Variants in AKAP13 observed in about 807,000 individuals in gnomAD.
The protein encoded by AKAP13 is A-kinase anchoring protein 13, also known as A-kinase anchor protein 13.
A neutral mutation model predicts 264.5 loss-of-function variants in AKAP13; 80 were observed. That is an observed-to-expected ratio of 0.30 (90% CI 0.25 to 0.36). The LOEUF (loss-of-function observed/expected upper bound fraction) is 0.36. Ranked by LOEUF, AKAP13 falls within the 10% of genes least tolerant of loss-of-function variation. The pLI is 1.00. For synonymous variants in AKAP13, 1,380 were observed against 1,250.2 expected, an observed-to-expected ratio of 1.10 and a Z score of -2.19; for missense variants, 3,712 against 3,435.2, an observed-to-expected ratio of 1.08 and a Z score of -2.01.
intron 23 of AKAP13, among the ~76,000 whole-genome samples, chr15:85,720,932 C>T (rs920385603): frequency 7.9e-5 from 12 of 152,304 alleles, no homozygotes; most frequent in South Asian, 2.1e-4. Flanking sequence ...AAATGCAGTG[C>T]GGTAAATGAA....
chr15:85,415,432 T>G (rs2072195269), intron 1 of AKAP13: 4 of 1,606,674 alleles, frequency 2.5e-6, no homozygotes, highest in Non-Finnish European at 3.4e-6. Flanking sequence ...TCTTGTACCC[T>G]GGGAGAGAAG....
chr15:85,504,919 C>T (rs111390681), intron 2 of AKAP13, among the ~76,000 whole-genome samples: 3 of 152,024 alleles, frequency 2.0e-5, no homozygotes, highest in Admixed American at 2.0e-4. Flanking sequence ...CCCTCTCCCC[C>T]TCTCCCCCTC....
intron 35 of AKAP13, among the ~76,000 whole-genome samples, chr15:85,743,199 G>A (rs1180055549): frequency 6.6e-6 from 1 of 152,074 alleles, no homozygotes. Flanking sequence ...TTTCTAAGTC[G>A]CCCCATCAAA....
intron 5 of AKAP13, among the ~76,000 whole-genome samples, chr15:85,547,139 T>C (rs1340883304): frequency 6.6e-6 from 1 of 152,252 alleles, no homozygotes; most frequent in African/African-American, 2.4e-5. Flanking sequence ...TTATTGCCTC[T>C]TTTCAGTTAG....
chr15:85,613,690 A>AT (rs1567155667), intron 8 of AKAP13, among the ~76,000 whole-genome samples: 59 of 92,778 alleles, frequency 6.4e-4, no homozygotes, highest in East Asian at 1.2e-3. Flanking sequence ...AAAAAAAAAA[A>AT]AATATATATA....
intron 1 of AKAP13, among the ~76,000 whole-genome samples, chr15:85,388,986 TGAA>T (rs2070725019): frequency 6.6e-6 from 1 of 152,206 alleles, no homozygotes; most frequent in South Asian, 2.1e-4. Context: ...TACTAAGGCA[TGAA>T]GCTCCTGTAG....
rs112525224 is a variant in AKAP13, at chr15:85,692,488, G to A, written c.5290-789G>A. Among the ~76,000 whole-genome samples, 826 of 150,118 alleles carry A rather than the reference G, an allele frequency of 5.5e-3. 6 individuals carry two copies. Among genetic ancestry groups the A allele is most frequent in the African/African-American group, 0.02 (791 of 40,510 alleles). ...CTATTACTGAGTAGTAGTAGTGGTGGTGGTGGTGATGGTGGTGGTGGTGGT... is the reference window on the plus strand; with the variant it reads ...CTATTACTGAGTAGTAGTAGTGGTGATGGTGGTGATGGTGGTGGTGGTGGT... On this transcript the variant is annotated intron_variant, in intron 16 of 36. Transcript: ENST00000394518.
At chr15:85,640,767 T>C in intron 9 of AKAP13, among the ~76,000 whole-genome samples, 1 of 152,176 alleles carries the variant, frequency 6.6e-6, no homozygotes, top group East Asian at 1.9e-4. Flanking sequence ...GAGTGAGACT[T>C]TCTGCCAAGT....
intron 16 of AKAP13, chr15:85,689,933 G>A (rs912931805): frequency 3.3e-5 from 5 of 152,222 alleles, no homozygotes; most frequent in South Asian, 2.1e-4. Flanking sequence ...TTCCTCTTAC[G>A]ATTTCACTAA....
At chr15:85,423,397 A>C (rs533048808) in intron 1 of AKAP13, among the ~76,000 whole-genome samples, 3 of 152,260 alleles carry the variant, frequency 2.0e-5, no homozygotes, top group African/African-American at 7.2e-5. Flanking sequence ...CATTTCAACA[A>C]TGCACAGCAT....
At chr15:85,610,610 G>T (rs183493272) in intron 8 of AKAP13, among the ~76,000 whole-genome samples, 1 of 152,258 alleles carries the variant, frequency 6.6e-6, no homozygotes, top group East Asian at 1.9e-4. Flanking sequence ...CATTATATAA[G>T]GATTCACTTA....
chr15:85,399,207 T>A (rs1333015721), intron 1 of AKAP13, among the ~76,000 whole-genome samples: 1 of 152,054 alleles, frequency 6.6e-6, no homozygotes, highest in Non-Finnish European at 1.5e-5. Context: ...TTTAAAGTTT[T>A]AGATGCAGGC....
chr15:85,725,400 C>G (rs55851385), intron 26 of AKAP13, among the ~76,000 whole-genome samples: 25,131 of 151,624 alleles, frequency 0.17, 2,352 homozygotes, highest in Non-Finnish European at 0.22. Flanking sequence ...GGGGAGGGTG[C>G]AGGCACCTGA....
At chr15:85,538,206 A>C (rs1451023526) in intron 4 of AKAP13, among the ~76,000 whole-genome samples, 3 of 152,196 alleles carry the variant, frequency 2.0e-5, no homozygotes, top group African/African-American at 7.2e-5. Context: ...GACTTGCTCT[A>C]GAGGAAGCAG....
intron 11 of AKAP13, among the ~76,000 whole-genome samples, chr15:85,656,809 A>G (rs943878340): frequency 6.6e-6 from 1 of 152,218 alleles, no homozygotes; most frequent in African/African-American, 2.4e-5. Flanking sequence ...TTAGCTTTAA[A>G]GAATGAGTAT....
At chr15:85,477,391 T>A (rs926441109) in intron 1 of AKAP13, among the ~76,000 whole-genome samples, 3 of 151,870 alleles carry the variant, frequency 2.0e-5, no homozygotes, top group Admixed American at 6.6e-5. Context: ...TAATTTGGGA[T>A]TGGGATTAAG....
At chr15:85,669,016 T>C (rs749804403) in intron 13 of AKAP13, among the ~76,000 whole-genome samples, 7 of 151,894 alleles carry the variant, frequency 4.6e-5, no homozygotes, top group Non-Finnish European at 1.0e-4. Flanking sequence ...GGCAGGCGGA[T>C]CACAAGGTCA....
intron 23 of AKAP13, among the ~76,000 whole-genome samples, chr15:85,721,098 A>G (rs1276299307): frequency 2.0e-5 from 3 of 152,146 alleles, no homozygotes; most frequent in Non-Finnish European, 2.9e-5. Context: ...TACTTCATCA[A>G]ACTTTGACTT....
rs763308218 is a variant in AKAP13, at chr15:85,579,925, T to C, written c.1857T>C (p.Asp619=). ...AGIGEAMSPS[D]LALLGLEEDV... ...TAGGTGAGGCAATGTCACCCTCAGA[T>C]TTAGCCCTTCTTGGGCTGGAAGAAG... The change falls in exon 7 of 37, where the codon GAT becomes GAC. Residue 619 remains aspartate, a synonymous_variant. Coordinates refer to ENST00000394518, the MANE Select transcript of AKAP13 (RefSeq NM_007200.5). The C allele has an allele frequency of 1.2e-6, 2 of 1,614,090 alleles. No individual in the cohort carries two copies. Among genetic ancestry groups the C allele is most frequent in the Admixed American group, 3.3e-5 (2 of 60,012 alleles).
Sources: gnomAD v4.1 joint callset for allele counts (sites outside exome capture counted in the v4.1 genomes callset) on GRCh38, gnomAD v4.1.1 for gene constraint, MANE v1.5 for transcripts, NCBI Gene and HGNC (gene_info 2026-07-23, HGNC 2026-07-21) for gene names.